SYNRG: variants seen among roughly 807,000 people sequenced by gnomAD.
The protein encoded by SYNRG is synergin gamma.
SYNRG carries 37 observed loss-of-function variants against 130.9 expected under a neutral mutation model. That is an observed-to-expected ratio of 0.28 (90% CI 0.22 to 0.37). SYNRG has a LOEUF of 0.37. Ranked by LOEUF, SYNRG falls within the 10% of genes least tolerant of loss-of-function variation. SYNRG has a pLI of 1.00. For synonymous variants in SYNRG, 539 were observed against 568.1 expected (o/e 0.95, Z 0.73); for missense variants, 1,338 against 1,588.9 (o/e 0.84, Z 2.68).
rs2055335749 is a variant in SYNRG at position 37,523,013 on chromosome 17, C to G, written c.3667-2365G>C. On this transcript the variant is annotated intron_variant, in intron 19 of 21. Coordinates refer to ENST00000612223, the MANE Select transcript of SYNRG (RefSeq NM_007247.6). Reference sequence around the variant, plus strand: ...TTAGCACTGAGGACATCCCTCAGTCCTGACCAAACAGGGACAGTTGGTTGC... The same window carrying G: ...TTAGCACTGAGGACATCCCTCAGTCGTGACCAAACAGGGACAGTTGGTTGC... 2.0e-5 allele frequency among the ~76,000 whole-genome samples: 3 copies of G among 152,248 alleles called. No individual in the cohort carries two copies. In the South Asian group the frequency reaches 6.2e-4, roughly 32 times the overall value.
intron 11 of SYNRG, chr17:37,566,979 G>A (rs1424035649): frequency 6.6e-6 from 1 of 152,166 alleles, no homozygotes; most frequent in African/African-American, 2.4e-5. Context: ...ATTACAATTA[G>A]GGCACAGACA....
At chr17:37,590,332 C>G (rs2062063882) in intron 3 of SYNRG, among the ~76,000 whole-genome samples, 1 of 151,684 alleles carries the variant, frequency 6.6e-6, no homozygotes, top group Admixed American at 6.6e-5. Flanking sequence ...TTAAGAGATG[C>G]CAACAACTAG....
At chr17:37,584,595 A>T (rs774826816) in intron 6 of SYNRG, 53 bp downstream of exon 6, 32 of 1,393,066 alleles carry the variant, frequency 2.3e-5, no homozygotes, top group Non-Finnish European at 3.2e-5. Flanking sequence ...AGAAACAGGG[A>T]CTACATAAAT....
intron 8 of SYNRG, among the ~76,000 whole-genome samples, chr17:37,575,560 G>A (rs2060760362): frequency 6.6e-6 from 1 of 151,510 alleles, no homozygotes. Context: ...GAAAAAGTAG[G>A]TCAGGTGCAG....
intron 9 of SYNRG, among the ~76,000 whole-genome samples, chr17:37,571,347 C>T (rs973412036): frequency 6.6e-6 from 1 of 151,954 alleles, no homozygotes; most frequent in East Asian, 1.9e-4. Flanking sequence ...TTTGGGAGGC[C>T]GAGACAGGTG....
intron 17 of SYNRG, 24 bp downstream of exon 17, chr17:37,539,168 T>C (rs1047894006): frequency 3.7e-6 from 6 of 1,613,434 alleles, no homozygotes; most frequent in Non-Finnish European, 5.1e-6. Flanking sequence ...CACATATGTG[T>C]GAACGCGTAA....
chr17:37,576,067 T>C (rs1301594984), intron 8 of SYNRG, among the ~76,000 whole-genome samples: 1 of 152,148 alleles, frequency 6.6e-6, no homozygotes, highest in Admixed American at 6.5e-5. Flanking sequence ...CATTAAAGCA[T>C]AATAAATCTA....
At chr17:37,549,504 T>C (rs2058556189) in intron 14 of SYNRG, among the ~76,000 whole-genome samples, 1 of 151,948 alleles carries the variant, frequency 6.6e-6, no homozygotes, top group Non-Finnish European at 1.5e-5. Flanking sequence ...TTATGTACTA[T>C]GAGTGAAAAA....
At chr17:37,531,251 G>A (rs193301938) in intron 19 of SYNRG, among the ~76,000 whole-genome samples, 15 of 152,128 alleles carry the variant, frequency 9.9e-5, no homozygotes, top group African/African-American at 3.6e-4. Flanking sequence ...GAACAAACAG[G>A]TAAATAAATA....
chr17:37,575,383 C>T (rs2060737902), intron 8 of SYNRG, among the ~76,000 whole-genome samples: 1 of 152,020 alleles, frequency 6.6e-6, no homozygotes, highest in South Asian at 2.1e-4. Context: ...GATTATTACA[C>T]ATTGTATGTC....
chr17:37,520,021 A>C (rs1407632527), intron 21 of SYNRG, among the ~76,000 whole-genome samples, 158 bp downstream of exon 21: 1 of 152,184 alleles, frequency 6.6e-6, no homozygotes, highest in Non-Finnish European at 1.5e-5. Flanking sequence ...ACACAGACAC[A>C]TTAGGAGACT....
chr17:37,533,386 GTGAGACT>G lies in SYNRG; in HGVS notation c.3666+2586_3666+2592del, dbSNP rs2056838003. Among the ~76,000 whole-genome samples the G allele has an allele frequency of 5.3e-5, 8 of 151,064 alleles. No individual in the cohort carries two copies. The South Asian group carries it at 1.7e-3, about 32-fold the overall frequency. The stretch of plus-strand genomic sequence containing the variant: ...ACTTCCCTCCAGCCTGGGTGACAGA[GTGAGACT>G]CTGTCTGGGGAAAAAAAAAAACAAA... On this transcript the variant is annotated intron_variant, in intron 19 of 21. Coordinates refer to ENST00000612223, the MANE Select transcript of SYNRG (RefSeq NM_007247.6).
intron 6 of SYNRG, among the ~76,000 whole-genome samples, chr17:37,578,332 A>G (rs1478583416): frequency 6.8e-6 from 1 of 147,654 alleles, no homozygotes; most frequent in Non-Finnish European, 1.5e-5. Flanking sequence ...CTCTGTCTCA[A>G]AAAAAAAAAA....
Position 37,596,208 on chromosome 17 carries a change from T to TA in SYNRG, c.240+14dup. On this transcript the variant is annotated intron_variant, in intron 3 of 21. Coordinates refer to ENST00000612223, the MANE Select transcript of SYNRG (RefSeq NM_007247.6). ...AACAATAACTTTGTAAGAAACCAAC[T>TA]AAAGAAGCAAGTACCTGCATAGCAA... is the stretch of plus-strand genomic sequence containing the variant. 1 of 1,612,434 alleles carries TA rather than the reference T, an allele frequency of 6.2e-7. No homozygotes were observed. Among genetic ancestry groups the TA allele is most frequent in the Non-Finnish European group, 8.5e-7 (1 of 1,179,364 alleles).
chr17:37,582,875 A>C (rs1038232198), intron 6 of SYNRG, among the ~76,000 whole-genome samples: 1 of 152,166 alleles, frequency 6.6e-6, no homozygotes, highest in Non-Finnish European at 1.5e-5. Flanking sequence ...TTATATGATC[A>C]ATATAGTTTG....
At chr17:37,581,914 G>A (rs373576919) in intron 6 of SYNRG, among the ~76,000 whole-genome samples, 17 of 151,906 alleles carry the variant, frequency 1.1e-4, no homozygotes, top group Non-Finnish European at 1.8e-4. Context: ...ACAGGCATGC[G>A]CCACCACACC....
chr17:37,523,953 G>C (rs1026740820), intron 19 of SYNRG, among the ~76,000 whole-genome samples: 1 of 152,232 alleles, frequency 6.6e-6, no homozygotes, highest in Non-Finnish European at 1.5e-5. Context: ...CAGTGCCAGT[G>C]AAGAGTGAGA....
chr17:37,561,720 C>T, intron 11 of SYNRG, 131 bp from the exon 12 acceptor site: 1 of 624,818 alleles, frequency 1.6e-6, no homozygotes, highest in Non-Finnish European at 2.8e-6. Flanking sequence ...AGTTAGAAAA[C>T]TATATAGTAT....
chr17:37,540,033 A>G (rs1454823715), intron 16 of SYNRG, among the ~76,000 whole-genome samples: 1 of 152,218 alleles, frequency 6.6e-6, no homozygotes, highest in Non-Finnish European at 1.5e-5. Flanking sequence ...AGACAGAAAT[A>G]AAAAATTCAG....
Sources: gnomAD v4.1 joint callset for allele counts (sites outside exome capture counted in the v4.1 genomes callset) on GRCh38, gnomAD v4.1.1 for gene constraint, MANE v1.5 for transcripts, NCBI Gene and HGNC (gene_info 2026-07-23, HGNC 2026-07-21) for gene names.